Variants in ITGA9 observed in about 807,000 individuals in gnomAD.
ITGA9 encodes the protein integrin alpha-9.
Under a neutral mutation model 127.8 loss-of-function variants are expected in ITGA9, and 56 were observed. The observed-to-expected ratio is 0.44, with a 90% CI of 0.35 to 0.55. The LOEUF (loss-of-function observed/expected upper bound fraction) is 0.55. Among genes scored for constraint, ITGA9 ranks in the 20% least tolerant of loss-of-function variants. The pLI is 0.00. For synonymous variants in ITGA9, 508 were observed against 514.5 expected, an observed-to-expected ratio of 0.99 and a Z score of 0.17; for missense variants, 1,196 against 1,347.1, an observed-to-expected ratio of 0.89 and a Z score of 1.76.
chr3:37,555,103 T>C (rs1253452377), intron 15 of ITGA9, among the ~76,000 whole-genome samples: 1 of 151,940 alleles, frequency 6.6e-6, no homozygotes, highest in Non-Finnish European at 1.5e-5. Flanking sequence ...CTAAAATGGC[T>C]CTGGGGCTCC....
intron 18 of ITGA9, among the ~76,000 whole-genome samples, chr3:37,725,415 C>T (rs1696174729): frequency 6.6e-6 from 1 of 152,162 alleles, no homozygotes; most frequent in African/African-American, 2.4e-5. Flanking sequence ...GTTCAAATGA[C>T]AGGCCTTTTC....
intron 27 of ITGA9, among the ~76,000 whole-genome samples, chr3:37,810,310 T>C (rs2125565226): frequency 6.6e-6 from 1 of 152,352 alleles, no homozygotes; most frequent in South Asian, 2.1e-4. Context: ...TGCTTTATGC[T>C]TGCAAGATGG....
intron 18 of ITGA9, among the ~76,000 whole-genome samples, chr3:37,685,885 C>T (rs898684716): frequency 2.0e-5 from 3 of 152,226 alleles, no homozygotes; most frequent in African/African-American, 7.2e-5. Context: ...TATAAACTCA[C>T]TAGCCTCCTG....
At chr3:37,484,645 T>C (rs1234465444) in intron 4 of ITGA9, among the ~76,000 whole-genome samples, 1 of 152,172 alleles carries the variant, frequency 6.6e-6, no homozygotes. Context: ...TTTTTCTTTC[T>C]AATCTGTTAT....
At chr3:37,777,370 A>G (rs1437584878) in intron 23 of ITGA9, 22 bp from the exon 24 acceptor site, 1 of 1,613,930 alleles carries the variant, frequency 6.2e-7, no homozygotes, top group Admixed American at 1.7e-5. Flanking sequence ...GACTCCTCTG[A>G]CAGGCCTCTT....
At chr3:37,566,757 T>G (rs1364620220) in intron 15 of ITGA9, among the ~76,000 whole-genome samples, 2 of 152,180 alleles carry the variant, frequency 1.3e-5, no homozygotes, top group Non-Finnish European at 2.9e-5. Context: ...TCTCATGAAA[T>G]AGTGAGTTTC....
intron 18 of ITGA9, among the ~76,000 whole-genome samples, chr3:37,692,185 A>G (rs1700838595): frequency 6.6e-6 from 1 of 152,158 alleles, no homozygotes; most frequent in Non-Finnish European, 1.5e-5. Context: ...GGGTACTACC[A>G]TGGTAGTCCC....
At chr3:37,571,158 AGTT>A (rs1292311566) in intron 15 of ITGA9, among the ~76,000 whole-genome samples, 5 of 152,210 alleles carry the variant, frequency 3.3e-5, no homozygotes, top group African/African-American at 7.2e-5. Context: ...GCCTACCCAG[AGTT>A]GTTGTTCCCA....
At chr3:37,779,418 C>G (rs1235702483) in intron 24 of ITGA9, among the ~76,000 whole-genome samples, 1 of 152,058 alleles carries the variant, frequency 6.6e-6, no homozygotes, top group African/African-American at 2.4e-5. Flanking sequence ...ATTTACGTCT[C>G]TATTGTAACT....
chr3:37,650,323 A>G (rs1700417518), intron 16 of ITGA9, among the ~76,000 whole-genome samples: 1 of 152,316 alleles, frequency 6.6e-6, no homozygotes, highest in East Asian at 1.9e-4. Context: ...CATTGTAAGG[A>G]GTGCCATCAT....
intron 14 of ITGA9, among the ~76,000 whole-genome samples, chr3:37,541,627 T>C (rs1427750318): frequency 6.6e-6 from 1 of 152,134 alleles, no homozygotes. Context: ...CATTCAGGTA[T>C]GGGGGTGAGT....
chr3:37,621,831 T>C (rs547028405), intron 15 of ITGA9, among the ~76,000 whole-genome samples: 1 of 152,312 alleles, frequency 6.6e-6, no homozygotes, highest in African/African-American at 2.4e-5. Context: ...TAATATATAG[T>C]CATATTAAAA....
At chr3:37,756,743 A>C (rs1049702523) in intron 23 of ITGA9, among the ~76,000 whole-genome samples, 3 of 152,240 alleles carry the variant, frequency 2.0e-5, no homozygotes, top group African/African-American at 7.2e-5. Flanking sequence ...TTTACAAATT[A>C]TTCAACATAC....
chr3:37,684,143 A>C (rs1700759492), intron 18 of ITGA9, 128 bp downstream of exon 18: 3 of 903,408 alleles, frequency 3.3e-6, no homozygotes. Flanking sequence ...ATTTAGAATG[A>C]TTAGAACTTT....
chr3:37,522,555 G>A (rs542712901), intron 11 of ITGA9, among the ~76,000 whole-genome samples: 68 of 151,952 alleles, frequency 4.5e-4, no homozygotes, highest in African/African-American at 1.6e-3. Flanking sequence ...GCGAGACCCC[G>A]TCTGACAAAA....
At chr3:37,755,134 T>G (rs888321267) in intron 23 of ITGA9, among the ~76,000 whole-genome samples, 1 of 152,122 alleles carries the variant, frequency 6.6e-6, no homozygotes, top group Middle Eastern at 3.2e-3. Flanking sequence ...GCTGTCAAAT[T>G]TAATCCTTAT....
chr3:37,666,503 C>T (rs996857087), intron 17 of ITGA9, among the ~76,000 whole-genome samples: 3 of 152,130 alleles, frequency 2.0e-5, no homozygotes, highest in South Asian at 4.1e-4. Flanking sequence ...CTGCAGGCAA[C>T]CTCGGGTTGG....
intron 1 of ITGA9, among the ~76,000 whole-genome samples, chr3:37,460,383 C>T (rs1466480484): frequency 6.6e-6 from 1 of 152,044 alleles, no homozygotes; most frequent in African/African-American, 2.4e-5. Context: ...TATTTGATAG[C>T]ACAACAAAAT....
At chr3:37,734,712 G>C (rs1696337605) in intron 19 of ITGA9, among the ~76,000 whole-genome samples, 1 of 152,170 alleles carries the variant, frequency 6.6e-6, no homozygotes, top group African/African-American at 2.4e-5. Flanking sequence ...GGCTGGTCTT[G>C]AACTCCTGAC....
Sources: allele counts gnomAD v4.1 joint callset (sites outside exome capture counted in the v4.1 genomes callset), GRCh38; gene constraint gnomAD v4.1.1; transcripts MANE v1.5; gene names NCBI Gene and HGNC (gene_info 2026-07-23, HGNC 2026-07-21).